The following NRG3 variants were observed in gnomAD, a reference collection of about 807,000 sequenced individuals.
NRG3 encodes neuregulin 3, also known as pro-neuregulin-3, membrane-bound isoform.
In NRG3, 31 loss-of-function variants were observed where a neutral mutation model predicts 66.9. The ratio of observed to expected loss-of-function variants is 0.46; its 90% CI spans 0.35 to 0.63. The LOEUF is 0.63. NRG3 is among the 20% of genes least tolerant of loss of function. NRG3 has a pLI of 0.00. For missense variants in NRG3, 910 were observed against 878.9 expected (o/e 1.04, Z -0.45); for synonymous variants, 393 against 359.4 (o/e 1.09, Z -1.06).
chr10:82,752,281 T>C (rs2058897786), intron 3 of NRG3, among the ~76,000 whole-genome samples: 1 of 152,196 alleles, frequency 6.6e-6, no homozygotes, highest in South Asian at 2.1e-4. Flanking sequence ...TAAAGAGGTT[T>C]ACAATAAAAT....
intron 1 of NRG3, chr10:82,166,720 T>C: frequency 1.6e-6 from 1 of 608,604 alleles, no homozygotes; most frequent in Non-Finnish European, 3.0e-6. Context: ...TTCATTCTTT[T>C]GTTTAGATCA....
chr10:82,113,604 C>T (rs2067521617), intron 1 of NRG3, among the ~76,000 whole-genome samples: 1 of 152,092 alleles, frequency 6.6e-6, no homozygotes, highest in Non-Finnish European at 1.5e-5. Flanking sequence ...CAACATGATA[C>T]ATTGGATTGG....
At chr10:81,901,970 G>A (rs552382231) in intron 1 of NRG3, among the ~76,000 whole-genome samples, 32 of 152,308 alleles carry the variant, frequency 2.1e-4, no homozygotes, top group Admixed American at 7.8e-4. Flanking sequence ...GTGTGTGCGT[G>A]TGAGTGTGTT....
chr10:82,732,019 A>C (rs2783417), intron 2 of NRG3, among the ~76,000 whole-genome samples: 2 of 152,084 alleles, frequency 1.3e-5, no homozygotes, highest in Admixed American at 1.3e-4. Flanking sequence ...CACAAATAAC[A>C]TAAGGTACAA....
intron 1 of NRG3, among the ~76,000 whole-genome samples, chr10:82,063,227 A>T (rs987726367): frequency 6.6e-6 from 1 of 151,826 alleles, no homozygotes; most frequent in Admixed American, 6.6e-5. Context: ...TATGTCACTA[A>T]CTATCACTGG....
Position 82,537,114 on chromosome 10 carries a change from G to A in NRG3, c.953+178246G>A, listed in dbSNP as rs530606923. Among the ~76,000 whole-genome samples the A allele has an allele frequency of 9.7e-4, 147 of 151,940 alleles. 1 individual carries two copies. Among genetic ancestry groups the A allele is most frequent in the African/African-American group, 3.2e-3 (133 of 41,512 alleles). On this transcript the variant is annotated intron_variant, in intron 2 of 8. Transcript: ENST00000372141. ...AAATGCATGTAATGTTCACCTCATG[G>A]GTTTTTGTGAAAATTTAGTGATATG...
chr10:82,469,856 C>A (rs1345182138), intron 2 of NRG3, among the ~76,000 whole-genome samples: 2 of 152,220 alleles, frequency 1.3e-5, no homozygotes, highest in African/African-American at 4.8e-5. Flanking sequence ...CTTCTAATTA[C>A]TTCCTTAGTT....
At chr10:81,947,780 C>T (rs1051582315) in intron 1 of NRG3, among the ~76,000 whole-genome samples, 17 of 151,910 alleles carry the variant, frequency 1.1e-4, no homozygotes, top group Admixed American at 2.6e-4. Flanking sequence ...ACAAAAGTGC[C>T]GTCGGGGACT....
At chr10:82,686,749 C>A (rs1309042822) in intron 2 of NRG3, among the ~76,000 whole-genome samples, 1 of 152,168 alleles carries the variant, frequency 6.6e-6, no homozygotes, top group Admixed American at 6.5e-5. Context: ...GTGTCTAAGT[C>A]CCAGTAGCCC....
chr10:82,687,725 G>A (rs2134174960), intron 2 of NRG3, among the ~76,000 whole-genome samples: 1 of 152,132 alleles, frequency 6.6e-6, no homozygotes, highest in South Asian at 2.1e-4. Flanking sequence ...TAATATGGTG[G>A]GGGGAGGGGT....
At position 82,521,424 on chromosome 10, in the gene NRG3, C is replaced by T. The variant is rs532055840; in HGVS notation, c.953+162556C>T. ...GGTGTGATCTCGGCTCACTGCAAGC[C>T]CTGTCTCCCGGGTTCACGCCATTCT... On this transcript the variant is annotated intron_variant, in intron 2 of 8. Transcript: ENST00000372141. Among the ~76,000 whole-genome samples the T allele has an allele frequency of 9.9e-5, 15 of 150,882 alleles. No individual in the cohort carries two copies. In the East Asian group the frequency reaches 3.0e-3, roughly 30 times the overall value.
At chr10:82,941,480 G>A (rs1438283952) in intron 4 of NRG3, among the ~76,000 whole-genome samples, 1 of 152,108 alleles carries the variant, frequency 6.6e-6, no homozygotes, top group Non-Finnish European at 1.5e-5. Flanking sequence ...CTGCTTATAA[G>A]CTCCTAATAT....
chr10:82,236,510 G>C (rs935534077), intron 1 of NRG3, among the ~76,000 whole-genome samples: 2 of 152,140 alleles, frequency 1.3e-5, no homozygotes, highest in African/African-American at 4.8e-5. Flanking sequence ...ATCTGCCACA[G>C]TGTGGAAGCC....
chr10:82,705,576 T>C (rs2056228360), intron 2 of NRG3, among the ~76,000 whole-genome samples: 1 of 152,234 alleles, frequency 6.6e-6, no homozygotes, highest in Non-Finnish European at 1.5e-5. Flanking sequence ...TCTCTGAGGC[T>C]TAAAACCCTG....
At chr10:81,942,388 C>G (rs1848477196) in intron 1 of NRG3, among the ~76,000 whole-genome samples, 1 of 152,074 alleles carries the variant, frequency 6.6e-6, no homozygotes, top group African/African-American at 2.4e-5. Context: ...GTAAGTAGGA[C>G]TCATTACATC....
intron 4 of NRG3, among the ~76,000 whole-genome samples, chr10:82,926,471 A>ATCTTAGGG (rs1349039522): frequency 6.6e-6 from 1 of 152,206 alleles, no homozygotes; most frequent in African/African-American, 2.4e-5. Context: ...GTGACCAAAT[A>ATCTTAGGG]AATAAAAACT....
intron 4 of NRG3, among the ~76,000 whole-genome samples, chr10:82,881,028 A>G (rs1432946847): frequency 1.3e-5 from 2 of 152,204 alleles, no homozygotes; most frequent in Non-Finnish European, 2.9e-5. Flanking sequence ...AGGGGTTGGA[A>G]TAAGAGTGTG....
rs140446790 is a variant in NRG3, at chr10:82,731,161, G to C, written c.954-7416G>C. 1.6e-3 allele frequency among the ~76,000 whole-genome samples: 247 copies of C among 152,104 alleles called. 8 individuals carry two copies. In the East Asian group the frequency reaches 0.045, roughly 28 times the overall value. ...GCAGGCGGATAACTTGAGGTCAGGAGTTCCAGACTAGCCTGGCCAACATGG... is the reference window on the plus strand; with the variant it reads ...GCAGGCGGATAACTTGAGGTCAGGACTTCCAGACTAGCCTGGCCAACATGG... On this transcript the variant is annotated intron_variant, in intron 2 of 8. Coordinates refer to ENST00000372141, the MANE Select transcript of NRG3 (RefSeq NM_001010848.4).
chr10:82,752,864 A>G (rs1430479161), intron 3 of NRG3, among the ~76,000 whole-genome samples: 2 of 152,316 alleles, frequency 1.3e-5, no homozygotes, highest in East Asian at 3.9e-4. Context: ...ATCATAATAA[A>G]TAGATTTCTG....
Sources: gnomAD v4.1 joint callset for allele counts (sites outside exome capture counted in the v4.1 genomes callset) on GRCh38, gnomAD v4.1.1 for gene constraint, MANE v1.5 for transcripts, NCBI Gene and HGNC (gene_info 2026-07-23, HGNC 2026-07-21) for gene names.